MIB1: variants seen among roughly 807,000 people sequenced by gnomAD.
The protein encoded by MIB1 is E3 ubiquitin-protein ligase MIB1.
Under a neutral mutation model 124.5 loss-of-function variants are expected in MIB1, and 278 were observed. The observed-to-expected ratio is 2.23, with a 90% CI of 2.02 to 2.47. The LOEUF (loss-of-function observed/expected upper bound fraction) is 2.47. Among genes scored for constraint, MIB1 ranks in the 30% most tolerant of loss-of-function variants. The pLI is 0.00. For missense variants in MIB1, 957 were observed against 1,254.4 expected (o/e 0.76, Z 3.58); for synonymous variants, 446 against 429.4 (o/e 1.04, Z -0.48).
chr18:21,829,150 A>T (rs2041955617), intron 12 of MIB1: 1 of 422,436 alleles, frequency 2.4e-6, no homozygotes. Flanking sequence ...TTAGTGAAAC[A>T]TTCAGCTTAC....
At chr18:21,771,242 G>A (rs1333912441) in intron 3 of MIB1, among the ~76,000 whole-genome samples, 3 of 152,112 alleles carry the variant, frequency 2.0e-5, no homozygotes, top group Non-Finnish European at 4.4e-5. Flanking sequence ...AATAAATCAA[G>A]TCATATTAAC....
intron 4 of MIB1, among the ~76,000 whole-genome samples, chr18:21,776,287 T>C (rs1456202695): frequency 1.5e-5 from 2 of 132,882 alleles, no homozygotes; most frequent in East Asian, 2.3e-4. Flanking sequence ...AAAAAAAAAA[T>C]CCCAAAAAAC....
At chr18:21,810,239 TAAA>T (rs1239791946) in intron 10 of MIB1, among the ~76,000 whole-genome samples, 2 of 152,054 alleles carry the variant, frequency 1.3e-5, no homozygotes, top group Non-Finnish European at 2.9e-5. Context: ...TGAAAGAAAT[TAAA>T]GAAGACAGAT....
chr18:21,851,763 G>A (rs1272944823), intron 17 of MIB1, among the ~76,000 whole-genome samples: 2 of 152,114 alleles, frequency 1.3e-5, no homozygotes, highest in African/African-American at 2.4e-5. Flanking sequence ...TGGCCAACCC[G>A]GCTATATGTA....
intron 12 of MIB1, among the ~76,000 whole-genome samples, chr18:21,822,469 A>C (rs1568215609): frequency 6.6e-6 from 1 of 152,214 alleles, no homozygotes; most frequent in African/African-American, 2.4e-5. Flanking sequence ...ACATTTAAAA[A>C]AAAATGCTTT....
At chr18:21,776,759 AG>A (rs2041292952) in intron 4 of MIB1, among the ~76,000 whole-genome samples, 1 of 151,510 alleles carries the variant, frequency 6.6e-6, no homozygotes, top group African/African-American at 2.4e-5. Context: ...TGAAGTGGGC[AG>A]GTCACTTGAG....
intron 1 of MIB1, among the ~76,000 whole-genome samples, chr18:21,711,328 C>A (rs2040664719): frequency 6.6e-6 from 1 of 152,042 alleles, no homozygotes; most frequent in African/African-American, 2.4e-5. Context: ...GTCACAAAAG[C>A]TGGAGTGCAG....
At chr18:21,836,270 A>C (rs2042030817) in intron 12 of MIB1, among the ~76,000 whole-genome samples, 2 of 151,440 alleles carry the variant, frequency 1.3e-5, no homozygotes, top group African/African-American at 4.8e-5. Flanking sequence ...AAAAAAACAA[A>C]AGGTTTTTTT....
intron 6 of MIB1, among the ~76,000 whole-genome samples, chr18:21,790,553 T>C (rs2041490661): frequency 6.6e-6 from 1 of 152,178 alleles, no homozygotes; most frequent in Non-Finnish European, 1.5e-5. Flanking sequence ...AATATATGTA[T>C]GTGTCCCTAT....
At chr18:21,760,105 G>A (rs993896458) in intron 1 of MIB1, among the ~76,000 whole-genome samples, 2 of 151,964 alleles carry the variant, frequency 1.3e-5, no homozygotes, top group African/African-American at 2.4e-5. Flanking sequence ...CAAAGGAAAA[G>A]GGCATTAACT....
In MIB1 at chr18:21,741,684, G is replaced by C; in HGVS notation, c.101G>C (p.Gly34Ala). Reference protein sequence around the residue: ...WKWGKQDGGEGHVGTVRSFES... With the variant: ...WKWGKQDGGEAHVGTVRSFES... ...TGGGGGAAGCAGGACGGCGGCGAGG[G>C]CCATGTGGGCACCGTCCGGAGCTTC... is the stretch of plus-strand genomic sequence containing the variant. The change falls in exon 1 of 21, where the codon GGC becomes GCC. Residue 34 changes from glycine (G) to alanine (A), a missense_variant. Gly to Ala is a moderately conservative substitution (Grantham distance 60). Transcript: ENST00000261537. The surrounding 1 kb of genome is among the most constrained non-coding windows in gnomAD (Gnocchi z 5.4). The C allele has an allele frequency of 6.2e-7, 1 of 1,611,290 alleles. No homozygotes were observed. Among genetic ancestry groups the C allele is most frequent in the South Asian group, 1.1e-5 (1 of 90,692 alleles).
chr18:21,768,496 T>C (rs750974673), intron 2 of MIB1, 127 bp from the exon 3 acceptor site: 14 of 587,022 alleles, frequency 2.4e-5, no homozygotes, highest in Non-Finnish European at 3.6e-5. Context: ...CATGCTATTA[T>C]GGTAGTAACC....
intron 20 of MIB1, among the ~76,000 whole-genome samples, chr18:21,862,071 T>G (rs1161949594): frequency 6.6e-6 from 1 of 152,140 alleles, no homozygotes; most frequent in Non-Finnish European, 1.5e-5. Context: ...CTGGCTAATT[T>G]ATTATTTTTT....
At chr18:21,780,329 T>C (rs1487303393) in intron 6 of MIB1, among the ~76,000 whole-genome samples, 1 of 152,086 alleles carries the variant, frequency 6.6e-6, no homozygotes, top group Non-Finnish European at 1.5e-5. Context: ...ACATTAGATT[T>C]TTTTCCCCGT....
intron 1 of MIB1, among the ~76,000 whole-genome samples, chr18:21,756,690 C>T (rs1339313296): frequency 6.6e-6 from 1 of 152,132 alleles, no homozygotes; most frequent in Non-Finnish European, 1.5e-5. Context: ...TCTCAAACTC[C>T]TGATCTTAGG....
At chr18:21,826,423 T>A (rs949398159) in intron 12 of MIB1, 1 of 152,146 alleles carries the variant, frequency 6.6e-6, no homozygotes, top group Non-Finnish European at 1.5e-5. Flanking sequence ...AGTTTTTCTT[T>A]GTTTTTGCTT....
intron 3 of MIB1, 134 bp from the exon 4 acceptor site, chr18:21,773,490 A>G (rs2041245129): frequency 3.2e-6 from 2 of 615,520 alleles, no homozygotes; most frequent in African/African-American, 1.9e-5. Flanking sequence ...TATTTGGCAA[A>G]TAAGTATTTT....
intron 1 of MIB1, among the ~76,000 whole-genome samples, chr18:21,715,786 T>A (rs1262014909): frequency 6.6e-6 from 1 of 151,998 alleles, no homozygotes; most frequent in African/African-American, 2.4e-5. Context: ...GACAAGGTTT[T>A]CGAATTAACT....
At chr18:21,775,687 A>G (rs960338977) in intron 4 of MIB1, among the ~76,000 whole-genome samples, 2 of 152,182 alleles carry the variant, frequency 1.3e-5, no homozygotes, top group African/African-American at 4.8e-5. Context: ...TCAATTTTTT[A>G]GGATTCCAAC....
Sources: gnomAD v4.1 joint callset for allele counts (sites outside exome capture counted in the v4.1 genomes callset) on GRCh38, gnomAD v4.1.1 for gene constraint, Gnocchi (gnomAD v3.1) non-coding constraint, MANE v1.5 for transcripts, NCBI Gene and HGNC (gene_info 2026-07-23, HGNC 2026-07-21) for gene names.